The following LSM3 variants were observed in gnomAD, a reference collection of about 807,000 sequenced individuals.
LSM3 encodes LSM3 homolog, U6 small nuclear RNA and mRNA degradation associated.
In LSM3, 14 loss-of-function variants were observed where a neutral mutation model predicts 15.4. The observed-to-expected ratio is 0.91, with a 90% CI of 0.60 to 1.42. The LOEUF is 1.42. Ranked by LOEUF, LSM3 falls within the 40% of genes most tolerant of loss-of-function variation. LSM3 has a pLI of 0.00. For synonymous variants in LSM3, 46 were observed against 45.1 expected, an observed-to-expected ratio of 1.02 and a Z score of -0.08; for missense variants, 88 against 127.9, an observed-to-expected ratio of 0.69 and a Z score of 1.50.
intron 2 of LSM3, 78 bp from the exon 3 acceptor site, chr3:14,183,859 A>T: frequency 9.3e-7 from 1 of 1,071,728 alleles, no homozygotes; most frequent in Non-Finnish European, 1.3e-6. Context: ...GTAATTGAGC[A>T]ATTTGCATAT....
chr3:14,185,207 CCGGCCGTGG>C (rs999672561), intron 3 of LSM3, among the ~76,000 whole-genome samples: 6 of 151,998 alleles, frequency 3.9e-5, no homozygotes, highest in Non-Finnish European at 8.8e-5. Context: ...AAAATATTAG[CCGGCCGTGG>C]CGGCAGGCAC....
intron 3 of LSM3, among the ~76,000 whole-genome samples, chr3:14,188,172 T>TGAA (rs1313603948): frequency 6.6e-6 from 1 of 152,220 alleles, no homozygotes; most frequent in African/African-American, 2.4e-5. Flanking sequence ...ATGAGCCACA[T>TGAA]GTGGCTATTT....
intron 3 of LSM3, 115 bp downstream of exon 3, chr3:14,184,147 T>G (rs1574987748): frequency 4.6e-6 from 6 of 1,293,980 alleles, no homozygotes; most frequent in South Asian, 3.9e-5. Context: ...ATGGACTCAG[T>G]AGAGCATAGC....
chr3:14,184,066 A>G (rs1336120782), intron 3 of LSM3, 34 bp downstream of exon 3: 3 of 1,583,240 alleles, frequency 1.9e-6, no homozygotes, highest in Middle Eastern at 1.9e-4. Flanking sequence ...TGCTTTGCAA[A>G]TATCAGCTGT....
rs190616501 is a variant in LSM3, at chr3:14,198,554, G to C, written c.*438G>C. ...CACCAGGTTTGAGTGCTGGGAACCA[G>C]AGTTTTATCAAAATGCTTTCTGGGC... On this transcript the variant is annotated 3_prime_UTR_variant, in exon 4 of 4. Coordinates refer to ENST00000306024, the MANE Select transcript of LSM3 (RefSeq NM_014463.3). The C allele has an allele frequency of 6.8e-4, 109 of 159,828 alleles. No homozygotes were observed. Among genetic ancestry groups the C allele is most frequent in the Non-Finnish European group, 1.3e-3 (95 of 73,162 alleles). 9.9% of individuals were successfully genotyped at this position (159,828 alleles called of 1,614,324 possible). A position where few individuals can be genotyped will look rare whatever the true frequency, so the allele number is the denominator to read the frequency against.
chr3:14,196,500 C>T (rs1246520416), intron 3 of LSM3, among the ~76,000 whole-genome samples: 1 of 152,182 alleles, frequency 6.6e-6, no homozygotes, highest in Non-Finnish European at 1.5e-5. Context: ...ATAAACACAG[C>T]AGGGACAGGA....
intron 3 of LSM3, among the ~76,000 whole-genome samples, chr3:14,186,820 G>A (rs1697093869): frequency 6.6e-6 from 1 of 152,068 alleles, no homozygotes; most frequent in Non-Finnish European, 1.5e-5. Context: ...TCTTACAGGT[G>A]ATGTGATAAA....
rs1399037936 is a variant in LSM3 at position 14,200,780 on chromosome 3, C to CTA, written c.*2665_*2666dup. ...AGTGATTTTTGAAGATTTGCCCAAA[C>CTA]TAGAGTACTATCCCTCTTCACACTA... On this transcript the variant is annotated 3_prime_UTR_variant, in exon 4 of 4. Transcript: ENST00000306024. The CTA allele has an allele frequency of 2.6e-5, 4 of 152,162 alleles. No individual in the cohort carries two copies. The highest frequency in any genetic ancestry group is 9.7e-5 in the African/African-American group (4 of 41,442). 9.4% of individuals were successfully genotyped at this position (152,162 alleles called of 1,614,324 possible).
chr3:14,184,243 G>A (rs1697065653), intron 3 of LSM3, among the ~76,000 whole-genome samples: 1 of 152,108 alleles, frequency 6.6e-6, no homozygotes, highest in Admixed American at 6.6e-5. Context: ...CTTGGGCAAG[G>A]GAATTAAGTT....
At position 14,178,939 on chromosome 3, in the gene LSM3, C is replaced by T. The variant is rs3731055; in HGVS notation, c.21+58C>T. 26,601 of 1,595,208 alleles carry T rather than the reference C, an allele frequency of 0.017. 1,596 individuals carry two copies. The East Asian group carries it at 0.22, about 13-fold the overall frequency. On this transcript the variant is annotated intron_variant, in intron 1 of 3. Transcript: ENST00000306024. ...GCTTCTTGTACTAGGCTGCTTTTTC[C>T]AGACTCAGGAAAAATGGCCAGTCGT...
chr3:14,182,926 G>T (rs1407295943), intron 2 of LSM3, among the ~76,000 whole-genome samples: 1 of 152,158 alleles, frequency 6.6e-6, no homozygotes, highest in East Asian at 1.9e-4. Flanking sequence ...TAAAGATAAA[G>T]AACCTCTGGG....
At chr3:14,197,984 A>C (rs1228607316) in intron 3 of LSM3, 52 bp from the exon 4 acceptor site, 35 of 1,400,820 alleles carry the variant, frequency 2.5e-5, no homozygotes. Flanking sequence ...CACAAACAAT[A>C]AGCAGTAATA....
At chr3:14,187,924 C>T (rs1559391935) in intron 3 of LSM3, among the ~76,000 whole-genome samples, 1 of 152,156 alleles carries the variant, frequency 6.6e-6, no homozygotes, top group Admixed American at 6.5e-5. Context: ...ACTACTTTTT[C>T]GGCTGTCCAT....
chr3:14,185,049 C>T (rs891786995), intron 3 of LSM3, among the ~76,000 whole-genome samples: 1 of 148,660 alleles, frequency 6.7e-6, no homozygotes, highest in Non-Finnish European at 1.5e-5. Flanking sequence ...AAGAGTGAAA[C>T]GCTGTCTCAA....
Position 14,200,399 on chromosome 3 carries a change from A to T in LSM3, c.*2283A>T, listed in dbSNP as rs1697224130. The T allele has an allele frequency of 6.6e-6, 1 of 152,094 alleles. No homozygotes were observed. The highest frequency in any genetic ancestry group is 6.6e-5 in the Admixed American group (1 of 15,258). 9.4% of individuals were successfully genotyped at this position (152,094 alleles called of 1,614,324 possible). The stretch of plus-strand genomic sequence containing the variant: ...TCCTCTGCAGTGGTGCTGTCCACTG[A>T]GGGGTTATGGTGTGAGGGCCCCTGG... On this transcript the variant is annotated 3_prime_UTR_variant, in exon 4 of 4. Coordinates refer to ENST00000306024, the MANE Select transcript of LSM3 (RefSeq NM_014463.3).
chr3:14,192,530 T>C (rs1377115016), intron 3 of LSM3, among the ~76,000 whole-genome samples: 1 of 152,086 alleles, frequency 6.6e-6, no homozygotes, highest in Non-Finnish European at 1.5e-5. Context: ...CTTTACCATG[T>C]AATGCCCTTG....
intron 3 of LSM3, among the ~76,000 whole-genome samples, chr3:14,194,659 C>T (rs983129131): frequency 6.6e-6 from 1 of 151,450 alleles, no homozygotes. Context: ...ACTGCAGATC[C>T]AAGCCTTGTC....
At chr3:14,193,615 T>A (rs1697161520) in intron 3 of LSM3, among the ~76,000 whole-genome samples, 1 of 152,258 alleles carries the variant, frequency 6.6e-6, no homozygotes, top group African/African-American at 2.4e-5. Context: ...GTGCTATGTT[T>A]TTCAGCTCCA....
At chr3:14,183,008 G>C (rs951382060) in intron 2 of LSM3, among the ~76,000 whole-genome samples, 2 of 152,210 alleles carry the variant, frequency 1.3e-5, no homozygotes, top group Non-Finnish European at 2.9e-5. Flanking sequence ...TCCAGGAAAG[G>C]AATGGTGGTA....
Sources: allele counts gnomAD v4.1 joint callset (sites outside exome capture counted in the v4.1 genomes callset), GRCh38; gene constraint gnomAD v4.1.1; transcripts MANE v1.5; gene names NCBI Gene and HGNC (gene_info 2026-07-23, HGNC 2026-07-21).